PRKCQ: variants seen among roughly 807,000 people sequenced by gnomAD.
The protein encoded by PRKCQ is protein kinase C theta.
A neutral mutation model predicts 91.2 loss-of-function variants in PRKCQ; 41 were observed. The observed-to-expected ratio is 0.45, with a 90% CI of 0.35 to 0.58. The LOEUF (loss-of-function observed/expected upper bound fraction) is 0.58. PRKCQ is among the 20% of genes least tolerant of loss of function. The pLI is 0.00. For synonymous variants in PRKCQ, 307 were observed against 316.9 expected (o/e 0.97, Z 0.33); for missense variants, 673 against 896.5 (o/e 0.75, Z 3.18).
chr10:6,561,003 C>A (rs1221778305), intron 1 of PRKCQ, among the ~76,000 whole-genome samples: 2 of 147,762 alleles, frequency 1.4e-5, no homozygotes, highest in African/African-American at 5.0e-5. Context: ...TGCACCACTG[C>A]ACTCCAGCCT....
At chr10:6,476,569 G>T (rs575618661) in intron 12 of PRKCQ, among the ~76,000 whole-genome samples, 13 of 152,048 alleles carry the variant, frequency 8.5e-5, no homozygotes, top group Non-Finnish European at 1.9e-4. Context: ...ATTCTGTATT[G>T]ATGTTTAAGC....
chr10:6,503,085 A>G (rs1469151075), intron 4 of PRKCQ, among the ~76,000 whole-genome samples: 1 of 152,220 alleles, frequency 6.6e-6, no homozygotes, highest in East Asian at 1.9e-4. Flanking sequence ...AGATCAGACT[A>G]TCCATGGCAA....
chr10:6,521,202 T>A (rs980856224), intron 1 of PRKCQ, among the ~76,000 whole-genome samples: 2 of 152,216 alleles, frequency 1.3e-5, no homozygotes, highest in African/African-American at 4.8e-5. Context: ...CCTCCAGAGC[T>A]GATCCCCCTG....
At chr10:6,528,455 C>T (rs1235684429) in intron 1 of PRKCQ, among the ~76,000 whole-genome samples, 1 of 152,142 alleles carries the variant, frequency 6.6e-6, no homozygotes, top group East Asian at 1.9e-4. Context: ...TGACACAGTC[C>T]AGCATCGCCT....
intron 12 of PRKCQ, among the ~76,000 whole-genome samples, chr10:6,473,387 G>A (rs1032413921): frequency 6.6e-6 from 1 of 152,218 alleles, no homozygotes; most frequent in Non-Finnish European, 1.5e-5. Context: ...GTTGACAGCT[G>A]TAAATCGACT....
chr10:6,576,411 C>A lies in PRKCQ; in HGVS notation c.-10+3800G>T, dbSNP rs1485327147. 6.6e-6 allele frequency among the ~76,000 whole-genome samples: 1 copy of A among 152,196 alleles called. No homozygotes were observed. The highest frequency in any genetic ancestry group is 2.4e-5 in the African/African-American group (1 of 41,452). The stretch of plus-strand genomic sequence containing the variant: ...GTCCAATGCTGTCACATGGATACAG[C>A]TTGAGAACACTATGCTAAGTGAAAT... On this transcript the variant is annotated intron_variant, in intron 1 of 17. Coordinates refer to ENST00000263125, the MANE Select transcript of PRKCQ (RefSeq NM_006257.5). The surrounding 1 kb of genome is among the most constrained non-coding windows in gnomAD (Gnocchi z 4.2).
the PRKCQ span, among the ~76,000 whole-genome samples, chr10:6,395,188 C>G: frequency 7.2e-5 from 11 of 151,874 alleles, no homozygotes; most frequent in African/African-American, 2.7e-4. Context: ...TTCAGCCTCC[C>G]GAGTAGCTGG....
At chr10:6,483,352 G>C in intron 11 of PRKCQ, 88 bp downstream of exon 11, 1 of 1,512,826 alleles carries the variant, frequency 6.6e-7, no homozygotes, top group South Asian at 1.2e-5. Flanking sequence ...CAATCCTAGT[G>C]GCCCTATGAG....
intron 3 of PRKCQ, among the ~76,000 whole-genome samples, chr10:6,509,838 G>T: frequency 6.6e-6 from 1 of 152,158 alleles, no homozygotes; most frequent in East Asian, 1.9e-4. Flanking sequence ...TGTCTCTAAA[G>T]ATTACTTTAG....
intron 4 of PRKCQ, among the ~76,000 whole-genome samples, chr10:6,500,652 G>C (rs755753653): frequency 6.6e-6 from 1 of 151,454 alleles, no homozygotes. Context: ...TTTTTGTATT[G>C]ACTATATTTA....
chr10:6,478,474 A>C (rs958788417), intron 12 of PRKCQ, among the ~76,000 whole-genome samples: 1 of 152,212 alleles, frequency 6.6e-6, no homozygotes, highest in Non-Finnish European at 1.5e-5. Flanking sequence ...TGGCAAATTC[A>C]GCATAAGGAA....
chr10:6,522,538 C>A (rs746928973), intron 1 of PRKCQ, among the ~76,000 whole-genome samples: 1 of 152,004 alleles, frequency 6.6e-6, no homozygotes, highest in Non-Finnish European at 1.5e-5. Context: ...CTGATGGGGA[C>A]AAATTCCATA....
intron 1 of PRKCQ, among the ~76,000 whole-genome samples, chr10:6,579,391 AAG>A (rs1841364250): frequency 6.6e-6 from 1 of 152,136 alleles, no homozygotes; most frequent in Non-Finnish European, 1.5e-5. Context: ...CCCAGGGAAC[AAG>A]GCAGTCCTGT....
In PRKCQ at chr10:6,511,158, A is replaced by G. The variant is rs1838456803; in HGVS notation, c.155T>C (p.Met52Thr). The change falls in exon 3 of 18, where the codon ATG becomes ACG. Residue 52 changes from methionine (M) to threonine (T), a missense_variant. Coordinates refer to ENST00000263125, the MANE Select transcript of PRKCQ (RefSeq NM_006257.5). ...AAAAGTGCTGTCCCAGGGTGGGTAC[A>G]TGGTAGGCTTTTTCTGGATATACAT... Reference protein sequence around the residue: ...GQMYIQKKPTMYPPWDSTFDA... With the variant: ...GQMYIQKKPTTYPPWDSTFDA... 5 of 1,613,988 alleles carry G rather than the reference A, an allele frequency of 3.1e-6. No homozygotes were observed. Among genetic ancestry groups the G allele is most frequent in the Non-Finnish European group, 3.4e-6 (4 of 1,180,008 alleles).
chr10:6,402,645 T>C, the PRKCQ span, among the ~76,000 whole-genome samples: 1 of 152,160 alleles, frequency 6.6e-6, no homozygotes, highest in Non-Finnish European at 1.5e-5. Flanking sequence ...CTTTAAGAGT[T>C]CTATTAAGGG....
At chr10:6,394,608 T>C in the PRKCQ span, among the ~76,000 whole-genome samples, 1 of 151,878 alleles carries the variant, frequency 6.6e-6, no homozygotes, top group Non-Finnish European at 1.5e-5. Flanking sequence ...CTCAGATACG[T>C]GTTGTAAATA....
the PRKCQ span, among the ~76,000 whole-genome samples, chr10:6,399,116 G>A: frequency 2.6e-5 from 4 of 152,188 alleles, no homozygotes; most frequent in African/African-American, 4.8e-5. Flanking sequence ...TCTGGAGACT[G>A]TCAATGTAAA....
chr10:6,541,112 A>G (rs1290569339), intron 1 of PRKCQ, among the ~76,000 whole-genome samples: 7 of 152,236 alleles, frequency 4.6e-5, no homozygotes, highest in Admixed American at 4.6e-4. Context: ...ACCATGAATG[A>G]ACTGACTTTT....
intron 1 of PRKCQ, among the ~76,000 whole-genome samples, chr10:6,558,955 G>A (rs906847457): frequency 3.9e-5 from 6 of 152,156 alleles, no homozygotes; most frequent in Non-Finnish European, 7.3e-5. Context: ...GGCAGGTCCC[G>A]TCAGCGGTGA....
Sources: allele counts gnomAD v4.1 joint callset (sites outside exome capture counted in the v4.1 genomes callset), GRCh38; gene constraint gnomAD v4.1.1; non-coding constraint Gnocchi (gnomAD v3.1); transcripts MANE v1.5; gene names NCBI Gene and HGNC (gene_info 2026-07-23, HGNC 2026-07-21).